Variants in MAST4 observed in about 807,000 individuals in gnomAD.
MAST4 encodes the protein microtubule-associated serine/threonine-protein kinase 4.
A neutral mutation model predicts 162.7 loss-of-function variants in MAST4; 89 were observed. The observed-to-expected ratio is 0.55, with a 90% CI of 0.46 to 0.65. MAST4 has a LOEUF of 0.65. Ranked by LOEUF, MAST4 falls within the 30% of genes least tolerant of loss-of-function variation. The pLI is 0.00. For missense variants in MAST4, 3,153 were observed against 3,374.0 expected, an observed-to-expected ratio of 0.93 and a Z score of 1.62; for synonymous variants, 1,479 against 1,361.1, an observed-to-expected ratio of 1.09 and a Z score of -1.91.
intron 12 of MAST4, among the ~76,000 whole-genome samples, chr5:67,117,196 C>T (rs1767021914): frequency 6.6e-6 from 1 of 152,172 alleles, no homozygotes; most frequent in African/African-American, 2.4e-5. Context: ...TCCCTTCCAA[C>T]TAGATGCATT....
chr5:66,995,306 G>GAT (rs1750507280), intron 4 of MAST4, among the ~76,000 whole-genome samples: 1 of 152,030 alleles, frequency 6.6e-6, no homozygotes, highest in African/African-American at 2.4e-5. Context: ...TCTTAAGTTT[G>GAT]TAAACTCTTC....
intron 4 of MAST4, among the ~76,000 whole-genome samples, chr5:67,007,814 T>A (rs1038598622): frequency 6.6e-5 from 10 of 152,254 alleles, no homozygotes; most frequent in African/African-American, 2.4e-4. Context: ...CAGAGAAAAA[T>A]ATTGAAGGTT....
chr5:67,152,648 G>C lies in MAST4; in HGVS notation c.3307G>C (p.Val1103Leu), dbSNP rs779325171. Reference sequence around the variant, plus strand: ...CTTCTTTGTTACAGATATGTTTGCTGTTTCCCCTCTGGGAAGTCCAATGTC... The same window carrying C: ...CTTCTTTGTTACAGATATGTTTGCTCTTTCCCCTCTGGGAAGTCCAATGTC... ...SLMIPGDMFA[V>L]SPLGSPMSPH... The change falls in exon 25 of 29, where the codon GTT becomes CTT. Residue 1103 changes from valine (V) to leucine (L), a missense_variant. Coordinates refer to ENST00000403625, the MANE Select transcript of MAST4 (RefSeq NM_001164664.2). 4 of 1,613,934 alleles carry C rather than the reference G, an allele frequency of 2.5e-6. No individual in the cohort carries two copies. Among genetic ancestry groups the C allele is most frequent in the South Asian group, 1.1e-5 (1 of 91,086 alleles).
intron 23 of MAST4, among the ~76,000 whole-genome samples, chr5:67,146,305 G>A (rs1223166417): frequency 6.6e-6 from 1 of 152,216 alleles, no homozygotes; most frequent in Non-Finnish European, 1.5e-5. Flanking sequence ...CTGGTCATTA[G>A]TAATGGAGGT....
chr5:67,050,582 AG>A (rs1289807843), intron 4 of MAST4, among the ~76,000 whole-genome samples: 1 of 152,190 alleles, frequency 6.6e-6, no homozygotes, highest in Non-Finnish European at 1.5e-5. Context: ...AGTTGCCCCT[AG>A]GAGGAGCTTC....
In MAST4 at chr5:67,020,258, G is replaced by A. The variant is rs77581244; in HGVS notation, c.675-34146G>A. On this transcript the variant is annotated intron_variant, in intron 4 of 28. Coordinates refer to ENST00000403625, the MANE Select transcript of MAST4 (RefSeq NM_001164664.2). The stretch of plus-strand genomic sequence containing the variant: ...CTCTTTTAAAGTAGTTATGGATGGT[G>A]TACTAGCTGGTCATGGAATGAATTA... 8.4e-3 allele frequency among the ~76,000 whole-genome samples: 1,280 copies of A among 152,258 alleles called. 8 individuals are homozygous for A. Among genetic ancestry groups the A allele is most frequent in the Non-Finnish European group, 0.014 (952 of 68,012 alleles).
chr5:67,024,678 T>A (rs762687486), intron 4 of MAST4, among the ~76,000 whole-genome samples: 1 of 152,126 alleles, frequency 6.6e-6, no homozygotes, highest in Non-Finnish European at 1.5e-5. Context: ...AACTTGCTTT[T>A]GAATACCTTG....
intron 3 of MAST4, among the ~76,000 whole-genome samples, chr5:66,878,046 ATC>A (rs1450970044): frequency 6.6e-6 from 1 of 152,192 alleles, no homozygotes; most frequent in African/African-American, 2.4e-5. Flanking sequence ...AAGTGGAAAA[ATC>A]TCTCAATGAA....
intron 3 of MAST4, among the ~76,000 whole-genome samples, chr5:66,867,097 G>A (rs1294951340): frequency 6.6e-6 from 1 of 152,184 alleles, no homozygotes; most frequent in African/African-American, 2.4e-5. Context: ...TAAGAAGCAG[G>A]CTGGGAGGCC....
chr5:66,765,570 C>G (rs1189370011), intron 2 of MAST4, among the ~76,000 whole-genome samples: 1 of 152,042 alleles, frequency 6.6e-6, no homozygotes, highest in Non-Finnish European at 1.5e-5. Context: ...AATGTTACTT[C>G]AGGGGAGTAA....
At chr5:66,860,073 T>C (rs188754115) in intron 3 of MAST4, among the ~76,000 whole-genome samples, 1 of 152,368 alleles carries the variant, frequency 6.6e-6, no homozygotes. Context: ...GGAGAGGCTC[T>C]TTGGGGTGGT....
At chr5:67,159,570 G>A (rs537489742) in intron 26 of MAST4, among the ~76,000 whole-genome samples, 1 of 152,118 alleles carries the variant, frequency 6.6e-6, no homozygotes. Context: ...TGTACCTCTT[G>A]TACTTTCATG....
At chr5:66,939,121 TAAC>T (rs1284236823) in intron 4 of MAST4, among the ~76,000 whole-genome samples, 3 of 152,136 alleles carry the variant, frequency 2.0e-5, no homozygotes, top group Non-Finnish European at 4.4e-5. Context: ...ATTAATCAGT[TAAC>T]AAAATAGGTA....
At chr5:66,647,679 A>G (rs536856526) in intron 1 of MAST4, among the ~76,000 whole-genome samples, 2 of 152,268 alleles carry the variant, frequency 1.3e-5, no homozygotes, top group Non-Finnish European at 2.9e-5. Context: ...TATGGGAGTG[A>G]TGTGGGGTTC....
chr5:66,975,914 G>T (rs1435346190), intron 4 of MAST4, among the ~76,000 whole-genome samples: 1 of 152,110 alleles, frequency 6.6e-6, no homozygotes, highest in Non-Finnish European at 1.5e-5. Context: ...AAAATTGCTT[G>T]AACCCAGGAG....
intron 3 of MAST4, among the ~76,000 whole-genome samples, chr5:66,869,678 G>A (rs1162253890): frequency 2.0e-5 from 3 of 152,142 alleles, no homozygotes; most frequent in African/African-American, 4.8e-5. Flanking sequence ...ATTCCTAGAC[G>A]AAGAAGAAAA....
intron 3 of MAST4, among the ~76,000 whole-genome samples, chr5:66,879,915 C>T (rs1420566579): frequency 6.6e-6 from 1 of 152,202 alleles, no homozygotes; most frequent in Non-Finnish European, 1.5e-5. Context: ...TTTTGACCCA[C>T]CAGTTCTTCT....
intron 3 of MAST4, among the ~76,000 whole-genome samples, chr5:66,824,073 G>T (rs180721217): frequency 6.6e-6 from 1 of 152,168 alleles, no homozygotes; most frequent in African/African-American, 2.4e-5. Context: ...CATCCACTTG[G>T]CCATATTGAC....
chr5:66,870,271 A>G (rs540116261), intron 3 of MAST4, among the ~76,000 whole-genome samples: 1 of 152,160 alleles, frequency 6.6e-6, no homozygotes, highest in Non-Finnish European at 1.5e-5. Context: ...TTCTGCCAGG[A>G]TGATGGACAC....
Sources: gnomAD v4.1 joint callset for allele counts (sites outside exome capture counted in the v4.1 genomes callset) on GRCh38, gnomAD v4.1.1 for gene constraint, MANE v1.5 for transcripts, NCBI Gene and HGNC (gene_info 2026-07-23, HGNC 2026-07-21) for gene names.